The following SNX2 variants were observed in gnomAD, a reference collection of about 807,000 sequenced individuals.
The protein encoded by SNX2 is sorting nexin-2.
Under a neutral mutation model 69.9 loss-of-function variants are expected in SNX2, and 25 were observed. The observed-to-expected ratio is 0.36, with a 90% CI of 0.26 to 0.50. SNX2 has a LOEUF of 0.50. Ranked by LOEUF, SNX2 falls within the 20% of genes least tolerant of loss-of-function variation. The pLI, the probability that SNX2 is intolerant of heterozygous loss-of-function variation, is 0.97. For synonymous variants in SNX2, 229 were observed against 200.4 expected, an observed-to-expected ratio of 1.14 and a Z score of -1.20; for missense variants, 551 against 613.3, an observed-to-expected ratio of 0.90 and a Z score of 1.07.
chr5:122,790,526 T>C (rs1397493498), intron 1 of SNX2, among the ~76,000 whole-genome samples: 1 of 152,216 alleles, frequency 6.6e-6, no homozygotes, highest in Non-Finnish European at 1.5e-5. Flanking sequence ...CAACCCATTT[T>C]TCCCAATGAG....
At chr5:122,807,550 A>C (rs1753685839) in intron 6 of SNX2, among the ~76,000 whole-genome samples, 1 of 152,210 alleles carries the variant, frequency 6.6e-6, no homozygotes, top group Non-Finnish European at 1.5e-5. Flanking sequence ...CATATGTTCA[A>C]GGTTATTTCA....
chr5:122,787,572 CG>C (rs1447996056), intron 1 of SNX2, among the ~76,000 whole-genome samples: 2 of 151,842 alleles, frequency 1.3e-5, no homozygotes, highest in African/African-American at 4.8e-5. Flanking sequence ...GGCAGTTGAG[CG>C]GGGTACTCCA....
At chr5:122,827,874 A>G in intron 14 of SNX2, 1 of 420,414 alleles carries the variant, frequency 2.4e-6, no homozygotes, top group African/African-American at 2.1e-5. Context: ...GACTTTTCCC[A>G]GTTTTAGGCC....
chr5:122,829,689 CCAGTTAT>C lies in SNX2; in HGVS notation c.*42_*48del, dbSNP rs756175547. The C allele has an allele frequency of 1.8e-5, 27 of 1,538,524 alleles. No homozygotes were observed. The highest frequency in any genetic ancestry group is 2.4e-5 in the Non-Finnish European group (27 of 1,112,016). ...CGTTAAGAAGACCTTGGATGTTGTTCCAGTTATGCTGGATTCCACAGTGAAATCATTT... is the reference window on the plus strand; with the variant it reads ...CGTTAAGAAGACCTTGGATGTTGTTCGCTGGATTCCACAGTGAAATCATTT... On this transcript the variant is annotated 3_prime_UTR_variant, in exon 15 of 15. Coordinates refer to ENST00000379516, the MANE Select transcript of SNX2 (RefSeq NM_003100.4).
At chr5:122,780,448 T>C (rs977318168) in intron 1 of SNX2, among the ~76,000 whole-genome samples, 3 of 152,172 alleles carry the variant, frequency 2.0e-5, no homozygotes, top group Non-Finnish European at 2.9e-5. Context: ...TTGAGAATTA[T>C]CAAGAGAAAG....
chr5:122,801,690 T>TGTGTGTGTGTG (rs1554062722), intron 3 of SNX2, among the ~76,000 whole-genome samples, 179 bp from the exon 4 acceptor site: 8 of 150,556 alleles, frequency 5.3e-5, no homozygotes, highest in East Asian at 1.9e-4. Flanking sequence ...TGTGTGTGTG[T>TGTGTGTGTGTG]TTTATTTATA....
intron 2 of SNX2, among the ~76,000 whole-genome samples, chr5:122,796,258 A>G (rs1474910208): frequency 2.0e-5 from 3 of 152,188 alleles, no homozygotes; most frequent in African/African-American, 7.2e-5. Context: ...AAGATAAAAA[A>G]TGAATAATTA....
intron 1 of SNX2, among the ~76,000 whole-genome samples, chr5:122,789,243 C>T (rs1489978270): frequency 6.6e-6 from 1 of 152,094 alleles, no homozygotes; most frequent in African/African-American, 2.4e-5. Context: ...TGACAGTGAC[C>T]TAAGTATCAA....
chr5:122,810,086 C>T (rs6892249), intron 7 of SNX2, among the ~76,000 whole-genome samples: 96,363 of 148,762 alleles, frequency 0.65, 32,112 homozygotes, highest in African/African-American at 0.8. Flanking sequence ...GGGATCCTGT[C>T]GATCTGTGAC....
In SNX2 at chr5:122,830,579, C is replaced by A. The variant is rs562351025; in HGVS notation, c.*931C>A. On this transcript the variant is annotated 3_prime_UTR_variant, in exon 15 of 15. Coordinates refer to ENST00000379516, the MANE Select transcript of SNX2 (RefSeq NM_003100.4). Reference sequence around the variant, plus strand: ...AGGAATGGTACCATGTTAAAATATACCATGATTTGATGAATAAGCAAGCAC... The same window carrying A: ...AGGAATGGTACCATGTTAAAATATAACATGATTTGATGAATAAGCAAGCAC... Among the ~76,000 whole-genome samples the A allele has an allele frequency of 6.6e-6, 1 of 152,036 alleles. No homozygotes were observed. Among genetic ancestry groups the A allele is most frequent in the Non-Finnish European group, 1.5e-5 (1 of 67,976 alleles).
At chr5:122,805,436 A>G (rs1210034223) in intron 6 of SNX2, among the ~76,000 whole-genome samples, 3 of 151,898 alleles carry the variant, frequency 2.0e-5, no homozygotes, top group Admixed American at 1.3e-4. Flanking sequence ...AATTTTGCTG[A>G]TTTTTAAATT....
At chr5:122,815,804 T>G in intron 7 of SNX2, 92 bp from the exon 8 acceptor site, 1 of 622,556 alleles carries the variant, frequency 1.6e-6, no homozygotes. Context: ...TGAGGACACT[T>G]TTTTTTCCTA....
intron 6 of SNX2, chr5:122,803,852 G>A: frequency 3.0e-6 from 1 of 336,722 alleles, no homozygotes; most frequent in Non-Finnish European, 5.3e-6. Flanking sequence ...TAAATATTGG[G>A]TAGAGGCCGT....
intron 6 of SNX2, among the ~76,000 whole-genome samples, chr5:122,807,269 A>G (rs1753680706): frequency 6.8e-6 from 1 of 147,212 alleles, no homozygotes; most frequent in African/African-American, 2.6e-5. Flanking sequence ...TTCGAAAAAG[A>G]AAAAAAAAAG....
intron 6 of SNX2, among the ~76,000 whole-genome samples, chr5:122,804,365 C>CT (rs1284102957): frequency 0.057 from 7,745 of 135,730 alleles, 480 homozygotes; most frequent in African/African-American, 0.14. Context: ...AACATTTCTA[C>CT]TTTTTTTTTT....
intron 10 of SNX2, 42 bp downstream of exon 10, chr5:122,817,415 T>A: frequency 8.6e-7 from 1 of 1,169,098 alleles, no homozygotes; most frequent in Non-Finnish European, 1.2e-6. Context: ...ACCATAAAAC[T>A]AATGAAAATA....
chr5:122,829,633 C>G lies in SNX2; in HGVS notation c.1545C>G (p.Ala515=). ...ACTGGGAAGCATTCCTACCTGAAGC[C>G]AAAGCCATTGCCTAGCAATAAGATT... ...IKYWEAFLPE[A]KAIA Residue 515 remains alanine, a synonymous_variant, in exon 15 of 15, where the codon GCC becomes GCG. Transcript: ENST00000379516. 1 of 1,613,358 alleles carries G rather than the reference C, an allele frequency of 6.2e-7. No homozygotes were observed. Among genetic ancestry groups the G allele is most frequent in the Admixed American group, 1.7e-5 (1 of 60,000 alleles).
chr5:122,827,543 A>G (rs753422251), intron 13 of SNX2, 32 bp from the exon 14 acceptor site: 2 of 1,606,606 alleles, frequency 1.2e-6, no homozygotes, highest in Non-Finnish European at 1.7e-6. Flanking sequence ...TTAGCTTTCT[A>G]CTAACGGACT....
At chr5:122,812,256 A>G (rs1360104816) in intron 7 of SNX2, among the ~76,000 whole-genome samples, 1 of 152,198 alleles carries the variant, frequency 6.6e-6, no homozygotes, top group Non-Finnish European at 1.5e-5. Flanking sequence ...TTAATGGACT[A>G]CAAGACTTTA....
Sources: gnomAD v4.1 joint callset for allele counts (sites outside exome capture counted in the v4.1 genomes callset) on GRCh38, gnomAD v4.1.1 for gene constraint, MANE v1.5 for transcripts, NCBI Gene and HGNC (gene_info 2026-07-23, HGNC 2026-07-21) for gene names.